The following B3GALT1 variants were observed in gnomAD, a reference collection of about 807,000 sequenced individuals.
The protein encoded by B3GALT1 is beta-1,3-galactosyltransferase 1, also known as UDP-Gal:betaGlcNAc beta 1,3-galactosyltransferase, polypeptide 1.
In B3GALT1, 10 loss-of-function variants were observed where a neutral mutation model predicts 23.2. That is an observed-to-expected ratio of 0.43 (90% CI 0.27 to 0.73). The LOEUF is 0.73. B3GALT1 is among the 30% of genes least tolerant of loss of function. The pLI, the probability that B3GALT1 is intolerant of heterozygous loss-of-function variation, is 0.21. For synonymous variants in B3GALT1, 156 were observed against 141.5 expected, an observed-to-expected ratio of 1.10 and a Z score of -0.73; for missense variants, 299 against 405.4, an observed-to-expected ratio of 0.74 and a Z score of 2.25.
At chr2:167,460,148 G>GT (rs896499735) in intron 1 of B3GALT1, among the ~76,000 whole-genome samples, 1 of 152,070 alleles carries the variant, frequency 6.6e-6, no homozygotes, top group Non-Finnish European at 1.5e-5. Flanking sequence ...TTATATTCAT[G>GT]TTTTTTATCA....
chr2:167,823,291 G>A (rs1689145858), intron 4 of B3GALT1, among the ~76,000 whole-genome samples: 1 of 152,188 alleles, frequency 6.6e-6, no homozygotes. Flanking sequence ...ACCTAACAGA[G>A]AGTATGCATC....
At position 167,720,715 on chromosome 2, in the gene B3GALT1, G is replaced by C. The variant is rs574454053; in HGVS notation, c.-352+73749G>C. 8.5e-5 allele frequency among the ~76,000 whole-genome samples: 13 copies of C among 152,320 alleles called. No homozygotes were observed. The South Asian group carries it at 2.7e-3, about 32-fold the overall frequency. ...ATGGTTTTGGAAATGGTGCATTGGA[G>C]TGTGGTGTTGTTTAAATGTCCTCCA... On this transcript the variant is annotated intron_variant, in intron 3 of 4. Transcript: ENST00000392690.
At chr2:167,452,058 G>T (rs114131518) in intron 1 of B3GALT1, among the ~76,000 whole-genome samples, 4 of 152,024 alleles carry the variant, frequency 2.6e-5, no homozygotes, top group Non-Finnish European at 5.9e-5. Flanking sequence ...GTTTATTTCC[G>T]GGCAGCCAGT....
At chr2:167,454,734 C>T (rs1278677901) in intron 1 of B3GALT1, among the ~76,000 whole-genome samples, 1 of 152,152 alleles carries the variant, frequency 6.6e-6, no homozygotes, top group Non-Finnish European at 1.5e-5. Flanking sequence ...TCCTTTGCTA[C>T]TCAGAACATC....
At chr2:167,566,586 T>C (rs779102105) in intron 2 of B3GALT1, among the ~76,000 whole-genome samples, 11 of 151,932 alleles carry the variant, frequency 7.2e-5, no homozygotes, top group South Asian at 2.1e-4. Context: ...AATAACGTAG[T>C]CCAGCCTCCT....
chr2:167,661,509 T>G (rs1686059884), intron 3 of B3GALT1, among the ~76,000 whole-genome samples: 1 of 152,034 alleles, frequency 6.6e-6, no homozygotes, highest in Non-Finnish European at 1.5e-5. Context: ...TTACTGACAT[T>G]TGGAACTAGA....
chr2:167,739,963 G>C (rs931034605), intron 3 of B3GALT1, among the ~76,000 whole-genome samples: 2 of 151,042 alleles, frequency 1.3e-5, no homozygotes, highest in Admixed American at 6.6e-5. Flanking sequence ...TCTAGGCGTG[G>C]TGGTGCATGC....
intron 3 of B3GALT1, among the ~76,000 whole-genome samples, chr2:167,814,332 C>T (rs1250242941): frequency 6.6e-6 from 1 of 152,146 alleles, no homozygotes; most frequent in Non-Finnish European, 1.5e-5. Context: ...TCACTGATAG[C>T]ATGGCAGGGA....
intron 1 of B3GALT1, among the ~76,000 whole-genome samples, chr2:167,384,229 A>T (rs1014298144): frequency 2.6e-5 from 4 of 152,198 alleles, no homozygotes; most frequent in Non-Finnish European, 4.4e-5. Context: ...AGCTATTGGT[A>T]AAATGGTGCT....
intron 3 of B3GALT1, among the ~76,000 whole-genome samples, chr2:167,683,587 G>A (rs1686570865): frequency 6.6e-6 from 1 of 152,138 alleles, no homozygotes; most frequent in Non-Finnish European, 1.5e-5. Flanking sequence ...TGGGCATGGT[G>A]GTGGGTGCCT....
rs1690345784 is a variant in B3GALT1 at position 167,871,553 on chromosome 2, G to C, written c.*1533G>C. Reference sequence around the variant, plus strand: ...GATTTCTTCTGGTTTCAATGAATAAGTGACTAGGTCAGTGTGTTGCCTTGA... The same window carrying C: ...GATTTCTTCTGGTTTCAATGAATAACTGACTAGGTCAGTGTGTTGCCTTGA... On this transcript the variant is annotated 3_prime_UTR_variant, in exon 5 of 5. Coordinates refer to ENST00000392690, the MANE Select transcript of B3GALT1 (RefSeq NM_020981.4). 1.3e-5 allele frequency: 2 copies of C among 152,198 alleles called. No homozygotes were observed. Among genetic ancestry groups the C allele is most frequent in the Non-Finnish European group, 1.5e-5 (1 of 68,034 alleles). 9.4% of individuals were successfully genotyped at this position (152,198 alleles called of 1,614,324 possible).
intron 2 of B3GALT1, among the ~76,000 whole-genome samples, chr2:167,559,431 C>T (rs1382909415): frequency 6.6e-6 from 1 of 152,180 alleles, no homozygotes; most frequent in South Asian, 2.1e-4. Flanking sequence ...AATTCCTCAC[C>T]AGCAACGAAA....
chr2:167,415,225 T>C (rs983033997), intron 1 of B3GALT1, among the ~76,000 whole-genome samples: 4 of 152,150 alleles, frequency 2.6e-5, no homozygotes, highest in Non-Finnish European at 4.4e-5. Context: ...ATTAATGGGT[T>C]ACCATTGAAG....
At chr2:167,574,876 A>G (rs1224102945) in intron 2 of B3GALT1, among the ~76,000 whole-genome samples, 2 of 151,730 alleles carry the variant, frequency 1.3e-5, no homozygotes, top group South Asian at 2.1e-4. Context: ...GTGATGTCTC[A>G]TACTGAACTG....
At chr2:167,453,100 A>G (rs562322600) in intron 1 of B3GALT1, among the ~76,000 whole-genome samples, 1 of 152,234 alleles carries the variant, frequency 6.6e-6, no homozygotes, top group Non-Finnish European at 1.5e-5. Context: ...CTACATAGGC[A>G]GTCAAGAGGA....
intron 1 of B3GALT1, among the ~76,000 whole-genome samples, chr2:167,448,912 T>C (rs1475665081): frequency 6.6e-6 from 1 of 152,176 alleles, no homozygotes; most frequent in Non-Finnish European, 1.5e-5. Flanking sequence ...TGGCTATAAG[T>C]GTTTGGCTTT....
intron 1 of B3GALT1, among the ~76,000 whole-genome samples, chr2:167,382,162 A>G (rs950499679): frequency 6.6e-6 from 1 of 152,214 alleles, no homozygotes; most frequent in Non-Finnish European, 1.5e-5. Context: ...TCTCATTTAT[A>G]TAATGTCCGT....
chr2:167,552,595 T>C (rs1574132891), intron 2 of B3GALT1, among the ~76,000 whole-genome samples: 1 of 152,132 alleles, frequency 6.6e-6, no homozygotes, highest in Non-Finnish European at 1.5e-5. Flanking sequence ...ATTGTTACTA[T>C]TATTAACACT....
At chr2:167,553,000 A>G (rs1365424174) in intron 2 of B3GALT1, among the ~76,000 whole-genome samples, 2 of 152,118 alleles carry the variant, frequency 1.3e-5, no homozygotes, top group African/African-American at 4.8e-5. Flanking sequence ...ATGTGTTGGT[A>G]CACATCTTCG....
Sources: allele counts gnomAD v4.1 joint callset (sites outside exome capture counted in the v4.1 genomes callset), GRCh38; gene constraint gnomAD v4.1.1; transcripts MANE v1.5; gene names NCBI Gene and HGNC (gene_info 2026-07-23, HGNC 2026-07-21).